The following FAAH2 variants were observed in gnomAD, a reference collection of about 807,000 sequenced individuals.
The protein encoded by FAAH2 is fatty acid amide hydrolase 2.
FAAH2 carries 60 observed loss-of-function variants against 36.9 expected under a neutral mutation model. That is an observed-to-expected ratio of 1.63 (90% CI 1.32 to 2.02). The LOEUF (loss-of-function observed/expected upper bound fraction) is 2.02, where lower values mean the gene tolerates loss of function less well. Ranked by LOEUF, FAAH2 falls within the 30% of genes most tolerant of loss-of-function variation. The pLI is 0.00. For missense variants in FAAH2, 689 were observed against 397.5 expected (o/e 1.73, Z -6.23); for synonymous variants, 214 against 143.8 (o/e 1.49, Z -3.49).
At chrX:57,154,441 T>TA in the FAAH2 span, among the ~76,000 whole-genome samples, 1 of 107,968 alleles carries the variant, frequency 9.3e-6, no homozygotes, top group Non-Finnish European at 1.9e-5. Context: ...TTTTTTTTTT[T>TA]ATTGCATTTT....
At chrX:57,138,863 T>C in the FAAH2 span, among the ~76,000 whole-genome samples, 1 of 112,307 alleles carries the variant, frequency 8.9e-6, no homozygotes, top group East Asian at 2.8e-4. Flanking sequence ...GCGTCTTAGT[T>C]TGAGAAATGT....
the FAAH2 span, among the ~76,000 whole-genome samples, chrX:57,172,782 G>T: frequency 9.0e-6 from 1 of 111,517 alleles, no homozygotes; most frequent in African/African-American, 3.3e-5. Context: ...CTGGTTGATG[G>T]CCTGCCAGCC....
intron 7 of FAAH2, among the ~76,000 whole-genome samples, chrX:57,416,784 G>A (rs111346206): frequency 0.027 from 3,043 of 111,783 alleles, 95 homozygotes; most frequent in African/African-American, 0.094. Flanking sequence ...GTCTTGCTAG[G>A]TTGGGGAAGT....
chrX:57,404,876 A>G (rs768663181), intron 7 of FAAH2, among the ~76,000 whole-genome samples: 103 of 112,177 alleles, frequency 9.2e-4, no homozygotes, highest in African/African-American at 3.3e-3. Flanking sequence ...CTGCACCATG[A>G]TCTCAACCGG....
chrX:57,178,222 G>C, the FAAH2 span, among the ~76,000 whole-genome samples: 1 of 112,252 alleles, frequency 8.9e-6, no homozygotes, highest in South Asian at 3.7e-4. Context: ...TCAAATGCCA[G>C]CTCTAGTAGT....
At chrX:57,242,317 G>T in the FAAH2 span, among the ~76,000 whole-genome samples, 1 of 112,390 alleles carries the variant, frequency 8.9e-6, no homozygotes, top group South Asian at 3.7e-4. Flanking sequence ...AGGCAAACAG[G>T]GTCTGGAGTG....
chrX:57,485,219 GTAGGTGC>G (rs757367042), intron 10 of FAAH2, among the ~76,000 whole-genome samples: 1 of 111,950 alleles, frequency 8.9e-6, no homozygotes, highest in South Asian at 3.7e-4. Flanking sequence ...GCATGCACAG[GTAGGTGC>G]CAGGCCTCCC....
the FAAH2 span, chrX:57,228,908 A>G: frequency 9.0e-6 from 1 of 110,998 alleles, no homozygotes; most frequent in Non-Finnish European, 1.9e-5. Context: ...TGTGGAACCT[A>G]AAGCAAAAAA....
Position 57,286,847 on chromosome X carries a change from C to T in FAAH2, c.22C>T (p.Arg8Cys), listed in dbSNP as rs774236408. The change falls in exon 1 of 11, where the codon CGC (arginine) becomes TGC (cysteine). Residue 8 changes from arginine to cysteine, a missense_variant. Physicochemically the swap from Arg to Cys is radical, Grantham distance 180. Coordinates refer to ENST00000374900, the MANE Select transcript of FAAH2 (RefSeq NM_174912.4). ...TGCGATGGCACCTTCATTTACCGCC[C>T]GCATTCAGTTGTTCCTCTTGCGGGC... MAPSFTARIQLFLLRALG... is the reference protein window; with the variant it reads MAPSFTACIQLFLLRALG... 4.2e-6 allele frequency: 5 copies of T among 1,184,504 alleles called. No homozygotes were observed. In the East Asian group the frequency reaches 1.2e-4, roughly 29 times the overall value.
chrX:57,131,971 C>G, the FAAH2 span, among the ~76,000 whole-genome samples: 1 of 111,876 alleles, frequency 8.9e-6, no homozygotes, highest in South Asian at 3.8e-4. Flanking sequence ...TGAGTGTGAT[C>G]CCATCACTGA....
At chrX:57,207,389 G>C in the FAAH2 span, among the ~76,000 whole-genome samples, 2 of 111,831 alleles carry the variant, frequency 1.8e-5, no homozygotes, top group Non-Finnish European at 3.8e-5. Flanking sequence ...TGGCCACACA[G>C]ATGGCCAGTG....
chrX:57,217,917 G>A, the FAAH2 span, among the ~76,000 whole-genome samples: 1 of 111,731 alleles, frequency 9.0e-6, no homozygotes, highest in Admixed American at 9.5e-5. Flanking sequence ...TTATGAGCAT[G>A]GCATGTGTTT....
the FAAH2 span, among the ~76,000 whole-genome samples, chrX:57,237,442 AT>A: frequency 9.0e-6 from 1 of 111,316 alleles, no homozygotes; most frequent in Admixed American, 9.6e-5. Flanking sequence ...TTTTCAGTAA[AT>A]TTTAACTCAA....
At chrX:57,459,156 G>C (rs772858141) in intron 10 of FAAH2, among the ~76,000 whole-genome samples, 4 of 112,309 alleles carry the variant, frequency 3.6e-5, no homozygotes, top group Non-Finnish European at 7.5e-5. Context: ...AGGGGCATCC[G>C]CCATTACTGA....
At chrX:57,195,008 CATTG>C in the FAAH2 span, among the ~76,000 whole-genome samples, 1 of 110,658 alleles carries the variant, frequency 9.0e-6, no homozygotes, top group African/African-American at 3.3e-5. Flanking sequence ...TTTATCTACT[CATTG>C]ATTGATGGAC....
intron 5 of FAAH2, among the ~76,000 whole-genome samples, chrX:57,349,787 G>A (rs1445307808): frequency 9.2e-6 from 1 of 108,159 alleles, no homozygotes; most frequent in African/African-American, 3.3e-5. Context: ...GAATATGAAA[G>A]TTATTAATAT....
the FAAH2 span, among the ~76,000 whole-genome samples, chrX:57,263,948 G>T: frequency 3.6e-5 from 4 of 111,642 alleles, no homozygotes; most frequent in Non-Finnish European, 5.7e-5. Flanking sequence ...ATGGAGAAAA[G>T]AGTCTTTTAA....
chrX:57,196,594 C>T, the FAAH2 span, among the ~76,000 whole-genome samples: 1 of 111,665 alleles, frequency 9.0e-6, no homozygotes, highest in Non-Finnish European at 1.9e-5. Flanking sequence ...ACTTCCAGTA[C>T]TATGTTGAAT....
chrX:57,167,947 T>G, the FAAH2 span, among the ~76,000 whole-genome samples: 1 of 111,329 alleles, frequency 9.0e-6, no homozygotes, highest in Non-Finnish European at 1.9e-5. Context: ...TTTCAAGATC[T>G]TTATGTGATG....
Sources: gnomAD v4.1 joint callset for allele counts (sites outside exome capture counted in the v4.1 genomes callset) on GRCh38, gnomAD v4.1.1 for gene constraint, MANE v1.5 for transcripts, NCBI Gene and HGNC (gene_info 2026-07-23, HGNC 2026-07-21) for gene names.